The following CHIC2 variants were observed in gnomAD, a reference collection of about 807,000 sequenced individuals.
CHIC2 encodes the protein cysteine rich hydrophobic domain 2.
CHIC2 carries 14 observed loss-of-function variants against 25.9 expected under a neutral mutation model. The ratio of observed to expected loss-of-function variants is 0.54; its 90% CI spans 0.36 to 0.85. The LOEUF (loss-of-function observed/expected upper bound fraction) is 0.85, where lower values mean the gene tolerates loss of function less well. Among genes scored for constraint, CHIC2 ranks in the 40% least tolerant of loss-of-function variants. The pLI, the probability that CHIC2 is intolerant of heterozygous loss-of-function variation, is 0.01. For synonymous variants in CHIC2, 70 were observed against 72.0 expected, an observed-to-expected ratio of 0.97 and a Z score of 0.14; for missense variants, 146 against 202.0, an observed-to-expected ratio of 0.72 and a Z score of 1.68.
At chr4:54,070,756 C>A in the CHIC2 span, among the ~76,000 whole-genome samples, 1 of 152,098 alleles carries the variant, frequency 6.6e-6, no homozygotes, top group Non-Finnish European at 1.5e-5. Flanking sequence ...AGTGGGAGAC[C>A]AGTAGTCCAG....
Position 54,010,031 on chromosome 4 carries a change from G to A in CHIC2, c.*64C>T, listed in dbSNP as rs1356601754. On this transcript the variant is annotated 3_prime_UTR_variant, in exon 6 of 6. Transcript: ENST00000263921. Reference sequence around the variant, plus strand: ...CCAATGTTATGTCACCACCAGGAGAGCACCAAGCAAGGCACCATTGGAAAG... The same window carrying A: ...CCAATGTTATGTCACCACCAGGAGAACACCAAGCAAGGCACCATTGGAAAG... 9.2e-6 allele frequency: 10 copies of A among 1,088,548 alleles called. No homozygotes were observed. In the African/African-American group the frequency reaches 1.3e-4, roughly 14 times the overall value. The allele number at this position is 1,088,548 out of a possible 1,614,324, so 67.4% of individuals were successfully genotyped here.
At chr4:54,030,474 G>T (rs1440545394) in intron 3 of CHIC2, among the ~76,000 whole-genome samples, 3 of 147,072 alleles carry the variant, frequency 2.0e-5, no homozygotes, top group Non-Finnish European at 4.5e-5. Flanking sequence ...AGTGAGCCAT[G>T]ATCATGCCAC....
At position 54,025,634 on chromosome 4, in the gene CHIC2, G is replaced by A. The variant is rs1482132676; in HGVS notation, c.331-11515C>T. Among the ~76,000 whole-genome samples the A allele has an allele frequency of 3.9e-5, 6 of 151,966 alleles. No individual in the cohort carries two copies. The South Asian group carries it at 6.2e-4, about 16-fold the overall frequency. ...AGCACTTTGGGATACCGAGAAGGGC[G>A]GATCACTTGAGCCTAGAAGTTCGAG... On this transcript the variant is annotated intron_variant, in intron 3 of 5. Coordinates refer to ENST00000263921, the MANE Select transcript of CHIC2 (RefSeq NM_012110.4).
At chr4:54,072,052 T>C in the CHIC2 span, among the ~76,000 whole-genome samples, 1 of 152,150 alleles carries the variant, frequency 6.6e-6, no homozygotes, top group African/African-American at 2.4e-5. Context: ...CCCAGCACTT[T>C]GGGAGGCCAA....
upstream of CHIC2, among the ~76,000 whole-genome samples, chr4:54,068,795 G>C (rs780753300): frequency 6.6e-6 from 1 of 152,108 alleles, no homozygotes; most frequent in Non-Finnish European, 1.5e-5. Flanking sequence ...AAATCCCACA[G>C]GTTGAGGGCT....
chr4:54,067,296 CTG>C (rs5858255), upstream of CHIC2, among the ~76,000 whole-genome samples: 89,927 of 149,588 alleles, frequency 0.6, 27,390 homozygotes, highest in East Asian at 0.86. Context: ...GTGTGTGTGT[CTG>C]TGTGTGTGTG....
At chr4:54,026,250 T>G (rs1197107266) in intron 3 of CHIC2, among the ~76,000 whole-genome samples, 1 of 152,086 alleles carries the variant, frequency 6.6e-6, no homozygotes, top group African/African-American at 2.4e-5. Context: ...TTTTTTTTTG[T>G]TTGGCTCACA....
At chr4:54,013,406 T>C (rs1449864138) in intron 5 of CHIC2, among the ~76,000 whole-genome samples, 2 of 152,118 alleles carry the variant, frequency 1.3e-5, no homozygotes, top group Non-Finnish European at 2.9e-5. Flanking sequence ...TACGGGCAGT[T>C]AAAATCTATA....
chr4:54,081,754 G>A, the CHIC2 span, among the ~76,000 whole-genome samples: 1 of 151,992 alleles, frequency 6.6e-6, no homozygotes, highest in Non-Finnish European at 1.5e-5. Context: ...TAGAGATGAG[G>A]TCTCACTATG....
chr4:54,037,594 T>G (rs1336281058), intron 3 of CHIC2, among the ~76,000 whole-genome samples: 1 of 152,134 alleles, frequency 6.6e-6, no homozygotes, highest in Non-Finnish European at 1.5e-5. Context: ...TCACTGACAC[T>G]TCAATAAAGC....
At chr4:54,052,016 T>G (rs1432500717) in intron 1 of CHIC2, among the ~76,000 whole-genome samples, 1 of 152,192 alleles carries the variant, frequency 6.6e-6, no homozygotes, top group African/African-American at 2.4e-5. Context: ...AAGTCTTCTT[T>G]CATATAGCAT....
At chr4:54,059,623 A>C (rs1041786501) in intron 1 of CHIC2, 7 of 152,012 alleles carry the variant, frequency 4.6e-5, no homozygotes, top group African/African-American at 1.7e-4. Context: ...ATTTCCTCAC[A>C]ATTACCAGAT....
At chr4:54,023,513 TG>T (rs1191951019) in intron 3 of CHIC2, among the ~76,000 whole-genome samples, 1 of 152,166 alleles carries the variant, frequency 6.6e-6, no homozygotes, top group Non-Finnish European at 1.5e-5. Context: ...CACATTATTC[TG>T]GATACCACAC....
intron 3 of CHIC2, among the ~76,000 whole-genome samples, chr4:54,037,681 T>C (rs1358807654): frequency 6.6e-6 from 1 of 152,100 alleles, no homozygotes; most frequent in African/African-American, 2.4e-5. Context: ...ATAAAACACA[T>C]TTAAAAGAAC....
intron 1 of CHIC2, among the ~76,000 whole-genome samples, chr4:54,063,946 C>T (rs1056794828): frequency 6.6e-6 from 1 of 152,276 alleles, no homozygotes; most frequent in African/African-American, 2.4e-5. Context: ...CTGGGATCGT[C>T]ACATCGCCCG....
In CHIC2 at chr4:54,045,168, A is replaced by G. The variant is rs1300445267; in HGVS notation, c.330+3787T>C. Among the ~76,000 whole-genome samples the G allele has an allele frequency of 2.0e-5, 3 of 152,196 alleles. No homozygotes were observed. The East Asian group carries it at 5.8e-4, about 29-fold the overall frequency. On this transcript the variant is annotated intron_variant, in intron 3 of 5. Coordinates refer to ENST00000263921, the MANE Select transcript of CHIC2 (RefSeq NM_012110.4). ...TGAGGCAATAATTAGTAGCTTACCA[A>G]TCAAAAAAAGTCCAGGACCAGATGG...
the CHIC2 span, among the ~76,000 whole-genome samples, chr4:54,091,469 T>G: frequency 6.6e-6 from 1 of 152,106 alleles, no homozygotes; most frequent in Non-Finnish European, 1.5e-5. Context: ...CCCCAGTTTC[T>G]CGTATTCCTC....
chr4:54,072,587 T>C, the CHIC2 span, among the ~76,000 whole-genome samples: 2 of 152,206 alleles, frequency 1.3e-5, no homozygotes, highest in Non-Finnish European at 2.9e-5. Context: ...AAATATTATG[T>C]TCTTCCACAT....
At chr4:54,031,582 T>C (rs1477473887) in intron 3 of CHIC2, among the ~76,000 whole-genome samples, 1 of 149,768 alleles carries the variant, frequency 6.7e-6, no homozygotes, top group Non-Finnish European at 1.5e-5. Flanking sequence ...ATGGGCAAAA[T>C]ACTATATTAA....
Sources: gnomAD v4.1 joint callset for allele counts (sites outside exome capture counted in the v4.1 genomes callset) on GRCh38, gnomAD v4.1.1 for gene constraint, MANE v1.5 for transcripts, NCBI Gene and HGNC (gene_info 2026-07-23, HGNC 2026-07-21) for gene names.